Variants in PLA2G4A observed in about 807,000 individuals in gnomAD.
The protein encoded by PLA2G4A is phospholipase A2 group IVA.
In PLA2G4A, 40 loss-of-function variants were observed where a neutral mutation model predicts 81.9. The ratio of observed to expected loss-of-function variants is 0.49; its 90% CI spans 0.38 to 0.64. The LOEUF (loss-of-function observed/expected upper bound fraction) is 0.64. PLA2G4A is among the 30% of genes least tolerant of loss of function. The pLI, the probability that PLA2G4A is intolerant of heterozygous loss-of-function variation, is 0.00. For synonymous variants in PLA2G4A, 302 were observed against 296.9 expected (o/e 1.02, Z -0.18); for missense variants, 715 against 905.1 (o/e 0.79, Z 2.69).
At chr1:186,873,290 A>G (rs1053849632) in intron 3 of PLA2G4A, among the ~76,000 whole-genome samples, 3 of 152,078 alleles carry the variant, frequency 2.0e-5, no homozygotes, top group Non-Finnish European at 4.4e-5. Context: ...GATCTATACA[A>G]ATTACCAAAT....
At chr1:186,893,286 G>A (rs1259645394) in intron 4 of PLA2G4A, 127 bp downstream of exon 4, 1 of 818,962 alleles carries the variant, frequency 1.2e-6, no homozygotes, top group Non-Finnish European at 2.1e-6. Flanking sequence ...CAGCTTGGTA[G>A]ACTAGAATCT....
chr1:186,897,535 G>A (rs1347456453), intron 5 of PLA2G4A, among the ~76,000 whole-genome samples: 2 of 151,826 alleles, frequency 1.3e-5, no homozygotes, highest in Non-Finnish European at 2.9e-5. Context: ...TTGAGACAGG[G>A]TCTCGCTCTG....
At chr1:186,909,761 T>C (rs901202328) in intron 6 of PLA2G4A, among the ~76,000 whole-genome samples, 3 of 152,160 alleles carry the variant, frequency 2.0e-5, no homozygotes, top group Non-Finnish European at 4.4e-5. Context: ...CCAATACTTT[T>C]ATATACAGTT....
intron 5 of PLA2G4A, among the ~76,000 whole-genome samples, chr1:186,899,433 G>A (rs890935078): frequency 6.6e-6 from 1 of 152,096 alleles, no homozygotes; most frequent in African/African-American, 2.4e-5. Context: ...GAAAGGGTGT[G>A]GTTGAGGTGG....
chr1:186,934,463 T>TATATATATAC lies in PLA2G4A; in HGVS notation c.695+1565_695+1566insTATATATACA, dbSNP rs368585350. On this transcript the variant is annotated intron_variant, in intron 8 of 17. Coordinates refer to ENST00000367466, the MANE Select transcript of PLA2G4A (RefSeq NM_024420.3). ...GTGCACATATATATATATATATATATACATACACAGAGAGAGTAATTAAAA... is the reference window on the plus strand; with the variant it reads ...GTGCACATATATATATATATATATATATATATATACACATACACAGAGAGAGTAATTAAAA... Among the ~76,000 whole-genome samples the TATATATATAC allele has an allele frequency of 1.7e-4, 25 of 143,514 alleles. 1 individual carries two copies. Among genetic ancestry groups the TATATATATAC allele is most frequent in the East Asian group, 8.1e-4 (4 of 4,912 alleles). The allele number at this position is 143,514 out of a possible 152,430, so 94.2% of individuals were successfully genotyped here.
intron 17 of PLA2G4A, among the ~76,000 whole-genome samples, chr1:186,987,950 C>T (rs2102311165): frequency 6.6e-6 from 1 of 152,272 alleles, no homozygotes; most frequent in South Asian, 2.1e-4. Flanking sequence ...CCTTCTTCCT[C>T]CACTAGGAAA....
intron 3 of PLA2G4A, among the ~76,000 whole-genome samples, chr1:186,887,746 C>A (rs181613058): frequency 5.9e-5 from 9 of 152,208 alleles, no homozygotes; most frequent in African/African-American, 1.7e-4. Context: ...TTCTTTAATT[C>A]ATTCCTTGAA....
intron 1 of PLA2G4A, among the ~76,000 whole-genome samples, chr1:186,830,833 C>T (rs1651527882): frequency 6.6e-6 from 1 of 151,842 alleles, no homozygotes; most frequent in African/African-American, 2.4e-5. Context: ...AAATTATGTT[C>T]CAGGAATAAA....
At chr1:186,861,972 T>C (rs1571343247) in intron 2 of PLA2G4A, among the ~76,000 whole-genome samples, 1 of 149,244 alleles carries the variant, frequency 6.7e-6, no homozygotes, top group East Asian at 1.9e-4. Flanking sequence ...AAATAATATA[T>C]TTAATTTATA....
chr1:186,963,514 T>C (rs1446087181), intron 14 of PLA2G4A, among the ~76,000 whole-genome samples: 1 of 152,232 alleles, frequency 6.6e-6, no homozygotes, highest in African/African-American at 2.4e-5. Context: ...ACAGCCAGCC[T>C]TTATTATTTA....
intron 7 of PLA2G4A, among the ~76,000 whole-genome samples, chr1:186,912,768 ATATATATATG>A: frequency 7.2e-6 from 1 of 138,450 alleles, no homozygotes; most frequent in African/African-American, 2.9e-5. Context: ...ATACATAAGT[ATATATATATG>A]TATACTTATA....
At chr1:186,848,024 C>T (rs1418048249) in intron 1 of PLA2G4A, among the ~76,000 whole-genome samples, 2 of 152,044 alleles carry the variant, frequency 1.3e-5, no homozygotes, top group Non-Finnish European at 2.9e-5. Context: ...ATCTTAAATC[C>T]TATACAAGGC....
chr1:186,920,313 C>G (rs1312660294), intron 7 of PLA2G4A, among the ~76,000 whole-genome samples: 2 of 152,194 alleles, frequency 1.3e-5, no homozygotes, highest in Non-Finnish European at 2.9e-5. Flanking sequence ...TACACAAGAA[C>G]TGGTGAACTA....
intron 3 of PLA2G4A, 124 bp downstream of exon 3, chr1:186,870,640 T>C (rs1393315291): frequency 1.5e-5 from 19 of 1,241,698 alleles, no homozygotes; most frequent in Non-Finnish European, 2.2e-5. Context: ...TCTAGATCTT[T>C]GAATGATAAC....
chr1:186,864,029 G>C (rs1652920412), intron 2 of PLA2G4A, among the ~76,000 whole-genome samples: 1 of 326 alleles, frequency 3.1e-3, no homozygotes, highest in Non-Finnish European at 4.7e-3. Context: ...CCCTCCCAAA[G>C]TGCTGGGATT....
At chr1:186,861,935 A>AT (rs1187591942) in intron 2 of PLA2G4A, among the ~76,000 whole-genome samples, 1 of 151,074 alleles carries the variant, frequency 6.6e-6, no homozygotes, top group Non-Finnish European at 1.5e-5. Flanking sequence ...CCACGATATC[A>AT]TTTTATTTAG....
At chr1:186,929,862 G>A (rs967829641) in intron 7 of PLA2G4A, among the ~76,000 whole-genome samples, 4 of 152,188 alleles carry the variant, frequency 2.6e-5, no homozygotes, top group Non-Finnish European at 5.9e-5. Flanking sequence ...AGGAATTTGA[G>A]ACAAGCCTGG....
intron 14 of PLA2G4A, 102 bp downstream of exon 14, chr1:186,956,446 T>C: frequency 9.2e-7 from 1 of 1,083,592 alleles, no homozygotes. Context: ...TCATTTATTA[T>C]CAGTTATTAC....
chr1:186,932,292 T>G (rs1022488687), intron 7 of PLA2G4A, among the ~76,000 whole-genome samples: 9 of 88,074 alleles, frequency 1.0e-4, no homozygotes, highest in Non-Finnish European at 2.3e-4. Context: ...TCTTTTCTTT[T>G]TCTTTTTTTT....
Sources: gnomAD v4.1 joint callset for allele counts (sites outside exome capture counted in the v4.1 genomes callset) on GRCh38, gnomAD v4.1.1 for gene constraint, MANE v1.5 for transcripts, NCBI Gene and HGNC (gene_info 2026-07-23, HGNC 2026-07-21) for gene names.